The following SETD7 variants were observed in gnomAD, a reference collection of about 807,000 sequenced individuals.
SETD7 encodes histone-lysine N-methyltransferase SETD7.
Under a neutral mutation model 41.8 loss-of-function variants are expected in SETD7, and 16 were observed. The observed-to-expected ratio is 0.38, with a 90% CI of 0.26 to 0.58. The LOEUF (loss-of-function observed/expected upper bound fraction) is 0.58. Ranked by LOEUF, SETD7 falls within the 20% of genes least tolerant of loss-of-function variation. The pLI is 0.64. For missense variants in SETD7, 346 were observed against 459.7 expected (o/e 0.75, Z 2.26); for synonymous variants, 163 against 169.7 (o/e 0.96, Z 0.31).
At chr4:139,496,217 C>T in exon 8 of SETD7, 2 of 502,044 alleles carry the variant, frequency 4.0e-6, no homozygotes, top group Non-Finnish European at 7.0e-6. Context: ...ATTTCTCTGG[C>T]ACAACTTATT....
intron 7 of SETD7, among the ~76,000 whole-genome samples, chr4:139,512,114 T>G (rs1284761823): frequency 1.3e-5 from 2 of 152,204 alleles, no homozygotes; most frequent in Non-Finnish European, 2.9e-5. Context: ...TGAAAAGCAC[T>G]GCTCTGTTTT....
intron 2 of SETD7, among the ~76,000 whole-genome samples, chr4:139,542,172 G>A (rs1727797927): frequency 6.6e-6 from 1 of 152,202 alleles, no homozygotes; most frequent in Non-Finnish European, 1.5e-5. Flanking sequence ...TCATTTGTAT[G>A]TGGGGAATCT....
chr4:139,503,622 CCT>C (rs1282606725), downstream of SETD7, among the ~76,000 whole-genome samples: 6 of 150,800 alleles, frequency 4.0e-5, no homozygotes, highest in Admixed American at 4.0e-4. Flanking sequence ...CTACAGCCCC[CCT>C]GATAAATTCT....
downstream of SETD7, among the ~76,000 whole-genome samples, chr4:139,493,268 G>A (rs1726385118): frequency 6.6e-6 from 1 of 152,194 alleles, no homozygotes; most frequent in Admixed American, 6.5e-5. Flanking sequence ...TGTGAGTCAA[G>A]GGCTGAAGGG....
In SETD7 at chr4:139,511,534, G is replaced by T; in HGVS notation, c.*129C>A. The stretch of plus-strand genomic sequence containing the variant: ...AACCTAGTTAGTATGCGAGAAAGTC[G>T]TTGCTAACGCATGGTGAGAGGATGT... On this transcript the variant is annotated 3_prime_UTR_variant, in exon 8 of 8. Coordinates refer to ENST00000274031, the MANE Select transcript of SETD7 (RefSeq NM_030648.4). 1.3e-6 allele frequency: 2 copies of T among 1,542,484 alleles called. No homozygotes were observed.
chr4:139,528,832 A>G (rs1360573444), intron 4 of SETD7, among the ~76,000 whole-genome samples, 199 bp downstream of exon 4: 1 of 152,220 alleles, frequency 6.6e-6, no homozygotes, highest in East Asian at 1.9e-4. Context: ...AGCCAGCTGG[A>G]GTACAGCTGC....
intron 7 of SETD7, among the ~76,000 whole-genome samples, chr4:139,499,495 T>G (rs1027847483): frequency 6.6e-6 from 1 of 152,156 alleles, no homozygotes; most frequent in African/African-American, 2.4e-5. Flanking sequence ...AATCGGTCTT[T>G]GAGATATTTT....
chr4:139,516,454 A>AGAC lies in SETD7; in HGVS notation c.920+1428_920+1430dup, dbSNP rs960805667. 2.5e-5 allele frequency among the ~76,000 whole-genome samples: 3 copies of AGAC among 121,038 alleles called. No individual in the cohort carries two copies. In the Admixed American group the frequency reaches 2.8e-4, roughly 11 times the overall value. The allele number at this position is 121,038 out of a possible 152,430, so 79.4% of individuals were successfully genotyped here. A position where few individuals can be genotyped will look rare whatever the true frequency, so the allele number is the denominator to read the frequency against. ...GCACTCCAGCTTGGGAGACTGAGCG[A>AGAC]GACTCTGTCTCAAAAAAAAAAAAAA... On this transcript the variant is annotated intron_variant, in intron 7 of 7. Coordinates refer to ENST00000274031, the MANE Select transcript of SETD7 (RefSeq NM_030648.4).
rs764150008 is a variant in SETD7, at chr4:139,511,839, C to T, written c.925G>A (p.Val309Ile). Residue 309 changes from valine (V) to isoleucine (I), a missense_variant, in exon 8 of 8, where the codon GTC becomes ATC. Transcript: ENST00000274031. ...FTPNCIYDMF[V>I]HPRFGPIKCI... ...TTGATGGGCCCAAAACGGGGGTGGA[C>T]AAACCTAAACATCAAGATGCACACA... 1 of 1,610,460 alleles carries T rather than the reference C, an allele frequency of 6.2e-7. No individual in the cohort carries two copies. The highest frequency in any genetic ancestry group is 8.5e-7 in the Non-Finnish European group (1 of 1,178,372).
intron 4 of SETD7, among the ~76,000 whole-genome samples, chr4:139,526,379 C>G (rs1727330654): frequency 6.6e-6 from 1 of 151,788 alleles, no homozygotes; most frequent in South Asian, 2.1e-4. Flanking sequence ...ACGTGATCCT[C>G]CCACCTCAGT....
At chr4:139,535,655 C>T (rs186974589) in intron 2 of SETD7, among the ~76,000 whole-genome samples, 3 of 152,236 alleles carry the variant, frequency 2.0e-5, no homozygotes, top group East Asian at 1.9e-4. Flanking sequence ...TATCAGAGTA[C>T]GAAGAACAAA....
chr4:139,499,833 A>G (rs965734511), intron 7 of SETD7, among the ~76,000 whole-genome samples: 14 of 152,070 alleles, frequency 9.2e-5, no homozygotes, highest in African/African-American at 3.4e-4. Flanking sequence ...AGAAGAACCC[A>G]CTGGGTTCTG....
chr4:139,533,436 A>G, intron 2 of SETD7, 70 bp from the exon 3 acceptor site: 2 of 1,374,638 alleles, frequency 1.5e-6, no homozygotes, highest in Admixed American at 2.0e-5. Context: ...AAAGGATCAT[A>G]TCCAAGGAAC....
intron 4 of SETD7, among the ~76,000 whole-genome samples, chr4:139,525,520 G>A (rs1171479981): frequency 1.3e-5 from 2 of 151,228 alleles, no homozygotes; most frequent in Non-Finnish European, 2.9e-5. Context: ...GATGGAGTAG[G>A]AATTAGCCAA....
chr4:139,511,460 G>A lies in SETD7; in HGVS notation c.*203C>T, dbSNP rs777681853. On this transcript the variant is annotated 3_prime_UTR_variant, in exon 8 of 8. Transcript: ENST00000274031. ...GCTCGACAATACCTCTCAGTAGGAC[G>A]TTGTTGCAAGGCTAGCTAATTTTAA... The A allele has an allele frequency of 1.0e-4, 86 of 823,626 alleles. No homozygotes were observed. The highest frequency in any genetic ancestry group is 1.4e-4 in the Non-Finnish European group (78 of 552,404). 51.0% of individuals were successfully genotyped at this position (823,626 alleles called of 1,614,324 possible).
intron 2 of SETD7, among the ~76,000 whole-genome samples, chr4:139,542,728 A>G (rs1386711666): frequency 6.6e-6 from 1 of 152,196 alleles, no homozygotes; most frequent in Non-Finnish European, 1.5e-5. Context: ...TATGTTTGCA[A>G]TTTAAAAATA....
chr4:139,519,625 G>A (rs187607349), intron 6 of SETD7, among the ~76,000 whole-genome samples: 7 of 152,320 alleles, frequency 4.6e-5, no homozygotes, highest in Admixed American at 4.6e-4. Flanking sequence ...AAATGCAAAG[G>A]TGAACATAAA....
chr4:139,524,803 T>G (rs1727279413), intron 4 of SETD7, among the ~76,000 whole-genome samples: 1 of 152,096 alleles, frequency 6.6e-6, no homozygotes, highest in South Asian at 2.1e-4. Context: ...ACGAAAAGCA[T>G]TTAAACCACC....
chr4:139,504,781 A>G, downstream of SETD7, among the ~76,000 whole-genome samples: 1 of 152,258 alleles, frequency 6.6e-6, no homozygotes, highest in East Asian at 1.9e-4. Flanking sequence ...TAATTTTCAC[A>G]TTACCTCATT....
Sources: allele counts gnomAD v4.1 joint callset (sites outside exome capture counted in the v4.1 genomes callset), GRCh38; gene constraint gnomAD v4.1.1; transcripts MANE v1.5; gene names NCBI Gene and HGNC (gene_info 2026-07-23, HGNC 2026-07-21).